CDK7: variants seen among roughly 807,000 people sequenced by gnomAD.
CDK7 encodes the protein cyclin-dependent kinase 7.
Under a neutral mutation model 49.1 loss-of-function variants are expected in CDK7, and 25 were observed. The ratio of observed to expected loss-of-function variants is 0.51; its 90% CI spans 0.37 to 0.71. The LOEUF is 0.71. CDK7 is among the 30% of genes least tolerant of loss of function. The pLI, the probability that CDK7 is intolerant of heterozygous loss-of-function variation, is 0.00. For missense variants in CDK7, 316 were observed against 411.7 expected, an observed-to-expected ratio of 0.77 and a Z score of 2.01; for synonymous variants, 107 against 140.0, an observed-to-expected ratio of 0.76 and a Z score of 1.67.
intron 7 of CDK7, 132 bp from the exon 8 acceptor site, chr5:69,262,073 G>C: frequency 1.0e-6 from 1 of 996,774 alleles, no homozygotes; most frequent in Non-Finnish European, 1.5e-6. Flanking sequence ...TCATGAAAGA[G>C]TATGGTATCT....
chr5:69,259,851 A>C lies in CDK7; in HGVS notation c.442A>C (p.Asn148His). 6.2e-7 allele frequency: 1 copy of C among 1,614,074 alleles called. No individual in the cohort carries two copies. The highest frequency in any genetic ancestry group is 8.5e-7 in the Non-Finnish European group (1 of 1,179,980). Residue 148 changes from asparagine (N) to histidine (H), a missense_variant, in exon 7 of 12, where the codon AAT (asparagine) becomes CAT (histidine). Transcript: ENST00000256443. ...LKPNNLLLDENGVLKLADFGL... is the reference protein window; with the variant it reads ...LKPNNLLLDEHGVLKLADFGL... ...ACCAAACAACTTGTTGCTAGATGAAAATGGAGTTCTAAAACTGGCAGATTT... is the reference window on the plus strand; with the variant it reads ...ACCAAACAACTTGTTGCTAGATGAACATGGAGTTCTAAAACTGGCAGATTT...
At chr5:69,267,360 G>A (rs951081684) in intron 8 of CDK7, among the ~76,000 whole-genome samples, 32 of 142,134 alleles carry the variant, frequency 2.3e-4, no homozygotes, top group Admixed American at 1.6e-3. Context: ...GTGCGGTGGC[G>A]TGATCTCAGC....
At chr5:69,267,757 C>T (rs544844446) in intron 8 of CDK7, among the ~76,000 whole-genome samples, 1 of 152,230 alleles carries the variant, frequency 6.6e-6, no homozygotes, top group Non-Finnish European at 1.5e-5. Context: ...GAAATCCATA[C>T]ATCAGACAGC....
At chr5:69,235,254 C>G (rs1031400912) in intron 1 of CDK7, 140 bp from the exon 2 acceptor site, 12 of 781,978 alleles carry the variant, frequency 1.5e-5, no homozygotes, top group Non-Finnish European at 2.2e-5. Context: ...TGGAGCTGGA[C>G]GGAGACTGAC....
chr5:69,243,668 G>C (rs549056313), intron 2 of CDK7, among the ~76,000 whole-genome samples: 1 of 151,900 alleles, frequency 6.6e-6, no homozygotes, highest in East Asian at 1.9e-4. Flanking sequence ...TTTCCATGAC[G>C]AATGTCATTG....
At chr5:69,273,858 A>G (rs1177313624) in intron 10 of CDK7, among the ~76,000 whole-genome samples, 7 of 152,164 alleles carry the variant, frequency 4.6e-5, no homozygotes, top group Admixed American at 3.3e-4. Flanking sequence ...CTTTTTAGCA[A>G]TGTGTGCTAT....
At chr5:69,276,441 A>G (rs1752147623) in intron 10 of CDK7, 102 bp from the exon 11 acceptor site, 2 of 991,760 alleles carry the variant, frequency 2.0e-6, no homozygotes, top group African/African-American at 1.6e-5. Context: ...GAGGGCATTC[A>G]CATAGTATTT....
intron 2 of CDK7, among the ~76,000 whole-genome samples, chr5:69,248,378 CTT>C: frequency 6.6e-6 from 1 of 151,666 alleles, no homozygotes; most frequent in Non-Finnish European, 1.5e-5. Flanking sequence ...CTTTCTTTTT[CTT>C]TTCTTTTTTT....
intron 2 of CDK7, among the ~76,000 whole-genome samples, chr5:69,244,975 T>G (rs569243614): frequency 6.6e-6 from 1 of 152,234 alleles, no homozygotes; most frequent in Admixed American, 6.5e-5. Flanking sequence ...TGATATTACA[T>G]ATCACGTTGA....
At chr5:69,265,397 G>C (rs1373733606) in intron 8 of CDK7, among the ~76,000 whole-genome samples, 1 of 150,288 alleles carries the variant, frequency 6.7e-6, no homozygotes, top group Non-Finnish European at 1.5e-5. Context: ...AGAATACGAA[G>C]GGGTAAGAAA....
At chr5:69,273,157 T>G (rs996380678) in intron 10 of CDK7, 116 bp downstream of exon 10, 1 of 751,926 alleles carries the variant, frequency 1.3e-6, no homozygotes, top group Non-Finnish European at 2.0e-6. Flanking sequence ...AGATGTGTTT[T>G]TGTTTTAAGA....
chr5:69,266,119 A>G (rs1751141612), intron 8 of CDK7, among the ~76,000 whole-genome samples: 1 of 152,060 alleles, frequency 6.6e-6, no homozygotes, highest in African/African-American at 2.4e-5. Flanking sequence ...CGCACTCTCC[A>G]CCTGGTGTGT....
chr5:69,269,784 C>T (rs1751408211), intron 9 of CDK7, among the ~76,000 whole-genome samples: 2 of 151,032 alleles, frequency 1.3e-5, no homozygotes. Flanking sequence ...TGGGGTTTCA[C>T]CGTGATGCCC....
chr5:69,252,301 G>T, intron 2 of CDK7, 117 bp from the exon 3 acceptor site: 1 of 697,072 alleles, frequency 1.4e-6, no homozygotes, highest in Non-Finnish European at 2.5e-6. Context: ...GTACATATTG[G>T]TTGCTAATTG....
At chr5:69,236,235 A>G (rs1748965956) in intron 2 of CDK7, among the ~76,000 whole-genome samples, 1 of 140,096 alleles carries the variant, frequency 7.1e-6, no homozygotes, top group South Asian at 2.2e-4. Flanking sequence ...GGGAGACTCC[A>G]TCTTAAAAAA....
At chr5:69,273,181 GT>G in intron 10 of CDK7, 140 bp downstream of exon 10, 1 of 601,062 alleles carries the variant, frequency 1.7e-6, no homozygotes, top group Admixed American at 3.2e-5. Context: ...AACAAACTTT[GT>G]ATCTTTTCCC....
At chr5:69,237,105 C>T (rs1260612171) in intron 2 of CDK7, among the ~76,000 whole-genome samples, 1 of 151,690 alleles carries the variant, frequency 6.6e-6, no homozygotes, top group Non-Finnish European at 1.5e-5. Context: ...TTTGTGGTGG[C>T]GGGGCAGGAG....
intron 9 of CDK7, among the ~76,000 whole-genome samples, chr5:69,270,137 T>C (rs1751437738): frequency 6.6e-6 from 1 of 151,522 alleles, no homozygotes; most frequent in African/African-American, 2.4e-5. Flanking sequence ...AATATATAAT[T>C]CACAATTATA....
chr5:69,253,305 C>T (rs961226964), intron 3 of CDK7, among the ~76,000 whole-genome samples: 3 of 152,094 alleles, frequency 2.0e-5, no homozygotes, highest in African/African-American at 7.2e-5. Context: ...TGCTCTGTTG[C>T]CCAGGCTGGA....
Sources: allele counts gnomAD v4.1 joint callset (sites outside exome capture counted in the v4.1 genomes callset), GRCh38; gene constraint gnomAD v4.1.1; transcripts MANE v1.5; gene names NCBI Gene and HGNC (gene_info 2026-07-23, HGNC 2026-07-21).